The following PUDP variants were observed in gnomAD, a reference collection of about 807,000 sequenced individuals.
PUDP encodes pseudouridine 5'-phosphatase.
A neutral mutation model predicts 9.4 loss-of-function variants in PUDP; 8 were observed. That is an observed-to-expected ratio of 0.85 (90% CI 0.50 to 1.53). The LOEUF is 1.53. Among genes scored for constraint, PUDP ranks in the 40% most tolerant of loss-of-function variants. PUDP has a pLI of 0.00. For synonymous variants in PUDP, 99 were observed against 80.7 expected (o/e 1.23, Z -1.22); for missense variants, 188 against 189.7 (o/e 0.99, Z 0.05).
chrX:7,045,949 A>C (rs1009215280), downstream of PUDP, among the ~76,000 whole-genome samples: 16 of 112,558 alleles, frequency 1.4e-4, no homozygotes, highest in Non-Finnish European at 2.8e-4. Flanking sequence ...AGTGAAATGC[A>C]GTGAAAACAT....
chrX:7,022,799 C>A (rs1405138207), intron 1 of PUDP, among the ~76,000 whole-genome samples: 2 of 111,827 alleles, frequency 1.8e-5, no homozygotes, highest in African/African-American at 6.5e-5. Flanking sequence ...TGGCTTAACT[C>A]TCGTACCTGA....
At chrX:6,793,203 T>C (rs181837002) in intron 3 of PUDP, among the ~76,000 whole-genome samples, 19 of 112,227 alleles carry the variant, frequency 1.7e-4, no homozygotes, top group Admixed American at 1.4e-3. Context: ...TTAATTGCGG[T>C]TTCTGTCATT....
At position 6,960,064 on chromosome X, in the gene PUDP, T is replaced by C. The variant is rs1928685215; in HGVS notation, c.*247+17069A>G. Among the ~76,000 whole-genome samples the C allele has an allele frequency of 2.7e-5, 3 of 112,444 alleles. No homozygotes were observed. The South Asian group carries it at 1.1e-3, about 41-fold the overall frequency. On this transcript the variant is annotated intron_variant and NMD_transcript_variant, in intron 3 of 3. Transcript: ENST00000655425. ...GCCTCAGAAGAAATCAAGCTTCAAA[T>C]CTTACCTGTATCTGATTTAGATGAG...
chrX:6,776,861 C>G (rs1272773928), intron 3 of PUDP, among the ~76,000 whole-genome samples: 1 of 112,292 alleles, frequency 8.9e-6, no homozygotes, highest in African/African-American at 3.2e-5. Context: ...TTATGAAATA[C>G]AAATAATACT....
chrX:7,067,064 A>C (rs1271510470), intron 3 of PUDP, among the ~76,000 whole-genome samples: 2 of 112,379 alleles, frequency 1.8e-5, no homozygotes, highest in Non-Finnish European at 3.8e-5. Flanking sequence ...TTCTCCAGCC[A>C]AGCATAAAGA....
chrX:6,810,465 G>C (rs1239839689), intron 3 of PUDP, among the ~76,000 whole-genome samples: 1 of 111,686 alleles, frequency 9.0e-6, no homozygotes, highest in African/African-American at 3.3e-5. Context: ...CCAATATGGT[G>C]AGTGGAGTGC....
intron 1 of PUDP, among the ~76,000 whole-genome samples, chrX:7,123,190 G>A (rs778158533): frequency 1.6e-4 from 18 of 112,551 alleles, no homozygotes; most frequent in Non-Finnish European, 3.2e-4. Context: ...CAGTATAAAC[G>A]TTATGTTTTG....
chrX:6,867,484 G>A (rs1388148910), intron 3 of PUDP, among the ~76,000 whole-genome samples: 1 of 110,496 alleles, frequency 9.1e-6, no homozygotes, highest in Non-Finnish European at 1.9e-5. Context: ...GGTGGTGGTG[G>A]TAGTGATGAT....
chrX:6,966,550 T>TTC (rs1555920135), intron 3 of PUDP, among the ~76,000 whole-genome samples: 2 of 105,679 alleles, frequency 1.9e-5, no homozygotes, highest in Admixed American at 1.0e-4. Flanking sequence ...TTCATATTTT[T>TTC]TTTTTTTTTT....
chrX:7,003,358 T>TGTA (rs1179201735), intron 1 of PUDP, among the ~76,000 whole-genome samples: 1 of 111,348 alleles, frequency 9.0e-6, no homozygotes, highest in Non-Finnish European at 1.9e-5. Context: ...ACACCGGGGC[T>TGTA]GTAGATGTGC....
At chrX:6,759,541 A>G (rs1925205954) in intron 3 of PUDP, among the ~76,000 whole-genome samples, 1 of 111,283 alleles carries the variant, frequency 9.0e-6, no homozygotes, top group African/African-American at 3.3e-5. Flanking sequence ...ACCTCTACCT[A>G]CCAGATGCCA....
chrX:6,951,238 ATCCATCATATC>A (rs373556882), intron 3 of PUDP, among the ~76,000 whole-genome samples: 623 of 82,421 alleles, frequency 7.6e-3, no homozygotes, highest in Middle Eastern at 0.012. Flanking sequence ...CCATCCATCC[ATCCATCATATC>A]TATCTATCTA....
At chrX:6,795,505 A>G (rs1382433398) in intron 3 of PUDP, among the ~76,000 whole-genome samples, 1 of 111,708 alleles carries the variant, frequency 9.0e-6, no homozygotes, top group Non-Finnish European at 1.9e-5. Context: ...ATGCCTGCCT[A>G]CAGTGGATTG....
intron 3 of PUDP, among the ~76,000 whole-genome samples, chrX:6,756,986 C>T (rs1020457542): frequency 9.8e-5 from 11 of 112,167 alleles, no homozygotes; most frequent in African/African-American, 2.9e-4. Context: ...TTGCAAAACA[C>T]GAAGTGTCCT....
intron 1 of PUDP, among the ~76,000 whole-genome samples, chrX:6,718,197 G>A (rs958655239): frequency 1.8e-5 from 2 of 111,432 alleles, no homozygotes; most frequent in African/African-American, 6.5e-5. Flanking sequence ...ATTTCTCAGA[G>A]AACTAAAATT....
intron 1 of PUDP, among the ~76,000 whole-genome samples, chrX:7,143,892 C>T (rs967488179): frequency 2.2e-4 from 25 of 111,536 alleles, no homozygotes; most frequent in Non-Finnish European, 3.0e-4. Flanking sequence ...CCTTTGCAAA[C>T]GTGGAAGAGA....
At chrX:7,095,366 G>C (rs1408968203) in intron 2 of PUDP, among the ~76,000 whole-genome samples, 1 of 112,457 alleles carries the variant, frequency 8.9e-6, no homozygotes, top group Non-Finnish European at 1.9e-5. Flanking sequence ...TGAAAGCACT[G>C]AGAGCATGAC....
At chrX:6,816,244 T>G (rs780670247) in intron 3 of PUDP, among the ~76,000 whole-genome samples, 1 of 105,833 alleles carries the variant, frequency 9.4e-6, no homozygotes, top group Non-Finnish European at 1.9e-5. Flanking sequence ...TAGTATAGTA[T>G]ATGCAGTGTA....
intron 3 of PUDP, among the ~76,000 whole-genome samples, chrX:6,851,754 C>A: frequency 9.0e-6 from 1 of 110,942 alleles, no homozygotes; most frequent in East Asian, 2.9e-4. Context: ...ATATGGGTAT[C>A]ACCTTAACAC....
Sources: gnomAD v4.1 joint callset for allele counts (sites outside exome capture counted in the v4.1 genomes callset) on GRCh38, gnomAD v4.1.1 for gene constraint, MANE v1.5 for transcripts, NCBI Gene and HGNC (gene_info 2026-07-23, HGNC 2026-07-21) for gene names.